Variants in CEP350 observed in about 807,000 individuals in gnomAD.
CEP350 encodes centrosome-associated protein 350.
A neutral mutation model predicts 331.8 loss-of-function variants in CEP350; 126 were observed. That is an observed-to-expected ratio of 0.38 (90% CI 0.33 to 0.44). CEP350 has a LOEUF of 0.44. Ranked by LOEUF, CEP350 falls within the 20% of genes least tolerant of loss-of-function variation. The pLI, the probability that CEP350 is intolerant of heterozygous loss-of-function variation, is 1.00. For missense variants in CEP350, 3,406 were observed against 3,634.6 expected (o/e 0.94, Z 1.62); for synonymous variants, 1,200 against 1,259.5 (o/e 0.95, Z 1.00).
At chr1:179,990,209 C>A in intron 3 of CEP350, among the ~76,000 whole-genome samples, 1 of 151,722 alleles carries the variant, frequency 6.6e-6, no homozygotes, top group Non-Finnish European at 1.5e-5. Flanking sequence ...AGATAATTTA[C>A]TACTTTGAAA....
intron 22 of CEP350, 68 bp downstream of exon 22, chr1:180,048,773 T>C (rs778712842): frequency 2.4e-5 from 31 of 1,284,408 alleles, no homozygotes; most frequent in Non-Finnish European, 3.3e-5. Context: ...ATCCTTGTTA[T>C]AAAGTGGCAA....
At chr1:180,047,240 A>G (rs1230756429) in intron 21 of CEP350, among the ~76,000 whole-genome samples, 1 of 152,196 alleles carries the variant, frequency 6.6e-6, no homozygotes, top group Non-Finnish European at 1.5e-5. Flanking sequence ...TGGCTTGTGT[A>G]ATGAATGAAT....
chr1:180,059,861 G>C (rs141301409), intron 25 of CEP350, among the ~76,000 whole-genome samples: 1 of 152,008 alleles, frequency 6.6e-6, no homozygotes, highest in East Asian at 1.9e-4. Context: ...TTTCTTTTGA[G>C]ATTAATGGTG....
At chr1:180,106,400 C>G (rs899756940) in intron 37 of CEP350, among the ~76,000 whole-genome samples, 1 of 151,922 alleles carries the variant, frequency 6.6e-6, no homozygotes, top group African/African-American at 2.4e-5. Context: ...TTTTCTACAC[C>G]CTTTTGAAAT....
intron 1 of CEP350, among the ~76,000 whole-genome samples, chr1:179,967,264 A>AT (rs1289767234): frequency 6.6e-6 from 1 of 152,108 alleles, no homozygotes; most frequent in Non-Finnish European, 1.5e-5. Context: ...GGTTTTGGTG[A>AT]TTTTTTTAAA....
At chr1:179,961,646 G>A (rs1650634414) in intron 1 of CEP350, among the ~76,000 whole-genome samples, 1 of 152,010 alleles carries the variant, frequency 6.6e-6, no homozygotes, top group African/African-American at 2.4e-5. Context: ...CTTTAATACG[G>A]TTTGTTTCTC....
At chr1:180,021,722 TA>T (rs879945528) in intron 12 of CEP350, among the ~76,000 whole-genome samples, 1 of 152,192 alleles carries the variant, frequency 6.6e-6, no homozygotes, top group Admixed American at 6.5e-5. Flanking sequence ...CTTGGGAATA[TA>T]GCAATCAAGA....
Position 179,990,051 on chromosome 1 carries a change from T to C in CEP350, c.121-456T>C, listed in dbSNP as rs1389510792. Among the ~76,000 whole-genome samples the C allele has an allele frequency of 2.6e-5, 4 of 151,796 alleles. No individual in the cohort carries two copies. The East Asian group carries it at 7.7e-4, about 29-fold the overall frequency. On this transcript the variant is annotated intron_variant, in intron 3 of 37. Transcript: ENST00000367607. ...TAAAACTACAAAAATTAGCCCGGCG[T>C]GGTGGCGCACGCCTGTAATCCCAGC...
In CEP350 at chr1:179,980,966, TAAAAG is replaced by T. The variant is rs769511696; in HGVS notation, c.-13-5202_-13-5198del. ...GAAAGTGATCCACAAAGCTGAGAATTAAAAGGAAAGGGCAGATTCAATAAAGCAAT... is the reference window on the plus strand; with the variant it reads ...GAAAGTGATCCACAAAGCTGAGAATTGAAAGGGCAGATTCAATAAAGCAAT... On this transcript the variant is annotated intron_variant, in intron 1 of 37. Coordinates refer to ENST00000367607, the MANE Select transcript of CEP350 (RefSeq NM_014810.5). Among the ~76,000 whole-genome samples the T allele has an allele frequency of 7.2e-5, 11 of 152,188 alleles. No individual in the cohort carries two copies. In the South Asian group the frequency reaches 1.7e-3, roughly 23 times the overall value.
intron 30 of CEP350, among the ~76,000 whole-genome samples, chr1:180,083,091 G>A (rs906831576): frequency 4.6e-5 from 7 of 152,108 alleles, no homozygotes; most frequent in African/African-American, 1.4e-4. Flanking sequence ...GCTCTTACAC[G>A]GTTTAATCTG....
rs188097597 is a variant in CEP350, at chr1:180,100,438, G to A, written c.9189+1453G>A. On this transcript the variant is annotated intron_variant, in intron 37 of 37. Coordinates refer to ENST00000367607, the MANE Select transcript of CEP350 (RefSeq NM_014810.5). ...TACTTCTTAGGAATTAAAGAAAAAA[G>A]CATATTAAGAGGCATTCATCTAACC... 4.1e-4 allele frequency among the ~76,000 whole-genome samples: 62 copies of A among 152,244 alleles called. No homozygotes were observed. In the East Asian group the frequency reaches 0.012, roughly 29 times the overall value.
intron 8 of CEP350, among the ~76,000 whole-genome samples, chr1:180,010,712 C>T (rs1000922820): frequency 2.0e-5 from 3 of 151,866 alleles, no homozygotes; most frequent in African/African-American, 7.3e-5. Context: ...AGTGATCCTC[C>T]CACCTCAGCC....
Position 180,037,060 on chromosome 1 carries a change from G to A in CEP350, c.4081G>A (p.Glu1361Lys). Residue 1361 changes from glutamate to lysine, a missense_variant, in exon 17 of 38, where the codon GAG (glutamate) becomes AAG (lysine). Glu to Lys is a moderately conservative substitution (Grantham distance 56). Coordinates refer to ENST00000367607, the MANE Select transcript of CEP350 (RefSeq NM_014810.5). ...TAGAGGCATTTCACTTGCTCAGCAGGAGAGTGTGTCTCTAGCTCAGATAAT... is the reference window on the plus strand; with the variant it reads ...TAGAGGCATTTCACTTGCTCAGCAGAAGAGTGTGTCTCTAGCTCAGATAAT... ...RVRGISLAQQ[E>K]SVSLAQIIKA... The A allele has an allele frequency of 1.2e-6, 2 of 1,605,092 alleles. No homozygotes were observed. Among genetic ancestry groups the A allele is most frequent in the Non-Finnish European group, 1.7e-6 (2 of 1,175,728 alleles).
intron 17 of CEP350, 129 bp from the exon 18 acceptor site, chr1:180,041,009 A>G (rs188975490): frequency 4.8e-5 from 31 of 652,330 alleles, no homozygotes; most frequent in East Asian, 1.3e-4. Flanking sequence ...TATTTTTACT[A>G]TCTTTCCTTT....
intron 37 of CEP350, among the ~76,000 whole-genome samples, chr1:180,099,400 A>G (rs1340819342): frequency 6.6e-6 from 1 of 152,214 alleles, no homozygotes; most frequent in Non-Finnish European, 1.5e-5. Context: ...AGAAAATTAA[A>G]TAAGTATATG....
chr1:179,986,079 G>A (rs1021210385), intron 1 of CEP350, 90 bp from the exon 2 acceptor site: 3 of 995,622 alleles, frequency 3.0e-6, no homozygotes, highest in South Asian at 1.5e-5. Context: ...TGGGTGTGAA[G>A]TAGTCATAAT....
intron 4 of CEP350, among the ~76,000 whole-genome samples, chr1:179,990,915 C>T (rs1307132116): frequency 6.6e-6 from 1 of 152,130 alleles, no homozygotes; most frequent in African/African-American, 2.4e-5. Flanking sequence ...TTCTTACAGT[C>T]TCGTGTTGTT....
At chr1:179,996,532 G>A (rs1653468040) in intron 5 of CEP350, 21 bp from the exon 6 acceptor site, 5 of 1,502,520 alleles carry the variant, frequency 3.3e-6, no homozygotes, top group South Asian at 1.3e-5. Context: ...TAGTCACAGA[G>A]CTTATTATTT....
intron 25 of CEP350, among the ~76,000 whole-genome samples, chr1:180,056,604 G>A (rs754552323): frequency 3.3e-5 from 5 of 151,656 alleles, no homozygotes; most frequent in Non-Finnish European, 7.4e-5. Context: ...CCTGTAGCTG[G>A]GACCACAGGT....
Sources: gnomAD v4.1 joint callset for allele counts (sites outside exome capture counted in the v4.1 genomes callset) on GRCh38, gnomAD v4.1.1 for gene constraint, MANE v1.5 for transcripts, NCBI Gene and HGNC (gene_info 2026-07-23, HGNC 2026-07-21) for gene names.